LGR4: variants seen among roughly 807,000 people sequenced by gnomAD.
The protein encoded by LGR4 is leucine-rich repeat-containing G protein-coupled receptor 4.
In LGR4, 44 loss-of-function variants were observed where a neutral mutation model predicts 84.8. The observed-to-expected ratio is 0.52, with a 90% CI of 0.41 to 0.67. LGR4 has a LOEUF of 0.67. LGR4 is among the 30% of genes least tolerant of loss of function. The pLI, the probability that LGR4 is intolerant of heterozygous loss-of-function variation, is 0.00. For missense variants in LGR4, 1,032 were observed against 1,131.4 expected (o/e 0.91, Z 1.26); for synonymous variants, 429 against 434.3 (o/e 0.99, Z 0.15).
chr11:27,431,059 C>T (rs890654823), intron 1 of LGR4, among the ~76,000 whole-genome samples: 4 of 152,122 alleles, frequency 2.6e-5, no homozygotes, highest in Admixed American at 2.0e-4. Context: ...CTTAGCCCCC[C>T]TAAAATGGCC....
At chr11:27,465,747 T>C (rs539079806) in intron 1 of LGR4, among the ~76,000 whole-genome samples, 158 of 152,310 alleles carry the variant, frequency 1.0e-3, no homozygotes, top group Middle Eastern at 3.4e-3. Flanking sequence ...TTTTAGACAA[T>C]AGAGTTGACA....
rs773694409 is a variant in LGR4, at chr11:27,380,610, C to T, written c.902+30G>A. On this transcript the variant is annotated intron_variant, in intron 9 of 17. Transcript: ENST00000379214. ...TCCACTAAAACAACTGTATAAATAT[C>T]CAGGTTTGTTTTTAAATTCACATAC... 3.7e-6 allele frequency: 5 copies of T among 1,352,224 alleles called. No individual in the cohort carries two copies. In the Admixed American group the frequency reaches 8.8e-5, roughly 24 times the overall value. The allele number at this position is 1,352,224 out of a possible 1,614,324, so 83.8% of individuals were successfully genotyped here. A position where few individuals can be genotyped will look rare whatever the true frequency, so the allele number is the denominator to read the frequency against.
chr11:27,393,528 TAATTA>T (rs1863324467), intron 2 of LGR4, among the ~76,000 whole-genome samples: 3 of 152,210 alleles, frequency 2.0e-5, no homozygotes, highest in South Asian at 4.1e-4. Flanking sequence ...TTAAAATTTA[TAATTA>T]AATTTTTTAA....
At chr11:27,418,502 T>A (rs947509071) in intron 1 of LGR4, among the ~76,000 whole-genome samples, 9 of 152,184 alleles carry the variant, frequency 5.9e-5, no homozygotes, top group African/African-American at 2.2e-4. Flanking sequence ...CATCTTCTGT[T>A]TTTTTCAGGT....
chr11:27,414,212 C>T (rs1207644331), intron 1 of LGR4, among the ~76,000 whole-genome samples: 2 of 152,044 alleles, frequency 1.3e-5, no homozygotes, highest in East Asian at 1.9e-4. Flanking sequence ...TAAGTGCAAA[C>T]GATGAGTCTT....
intron 1 of LGR4, among the ~76,000 whole-genome samples, chr11:27,423,602 T>C (rs1174858299): frequency 6.6e-6 from 1 of 152,262 alleles, no homozygotes; most frequent in African/African-American, 2.4e-5. Flanking sequence ...ATAATGATGG[T>C]TTATAAAATG....
chr11:27,436,505 A>G (rs1473648893), intron 1 of LGR4, among the ~76,000 whole-genome samples: 1 of 152,164 alleles, frequency 6.6e-6, no homozygotes, highest in Non-Finnish European at 1.5e-5. Flanking sequence ...TCCTGGATGG[A>G]TAAATTATAA....
chr11:27,400,774 G>A (rs955072201), intron 2 of LGR4, among the ~76,000 whole-genome samples: 2 of 152,142 alleles, frequency 1.3e-5, no homozygotes, highest in Non-Finnish European at 2.9e-5. Flanking sequence ...TGGGATTACA[G>A]GTGTGAGCCA....
intron 1 of LGR4, among the ~76,000 whole-genome samples, chr11:27,433,611 A>G (rs950728066): frequency 1.3e-5 from 2 of 152,010 alleles, no homozygotes; most frequent in Non-Finnish European, 2.9e-5. Context: ...TGTTTCTCCT[A>G]TAGTTTATAC....
chr11:27,385,604 T>C, intron 4 of LGR4, 136 bp from the exon 5 acceptor site: 1 of 580,092 alleles, frequency 1.7e-6, no homozygotes, highest in East Asian at 2.9e-5. Flanking sequence ...GAAGTCCTCA[T>C]AACATCTAAT....
At chr11:27,425,973 C>G (rs542257036) in intron 1 of LGR4, among the ~76,000 whole-genome samples, 1 of 152,268 alleles carries the variant, frequency 6.6e-6, no homozygotes, top group African/African-American at 2.4e-5. Flanking sequence ...TGCCAAGCCT[C>G]TAGTGCCATG....
At chr11:27,374,911 T>C (rs1862946711) in intron 13 of LGR4, among the ~76,000 whole-genome samples, 1 of 152,112 alleles carries the variant, frequency 6.6e-6, no homozygotes, top group Non-Finnish European at 1.5e-5. Context: ...GTCATATTTC[T>C]TAAAGGGGAT....
intron 1 of LGR4, among the ~76,000 whole-genome samples, chr11:27,445,291 G>T (rs1404647277): frequency 4.6e-5 from 7 of 152,152 alleles, no homozygotes; most frequent in Non-Finnish European, 8.8e-5. Context: ...ACGAACTCTG[G>T]AGTCAGACTA....
chr11:27,414,092 T>A (rs200386937), intron 1 of LGR4, among the ~76,000 whole-genome samples: 1 of 152,048 alleles, frequency 6.6e-6, no homozygotes, highest in Non-Finnish European at 1.5e-5. Flanking sequence ...TAAGACTACA[T>A]AGAAAATCTT....
chr11:27,386,613 G>T (rs1249405986), intron 4 of LGR4, among the ~76,000 whole-genome samples: 1 of 152,128 alleles, frequency 6.6e-6, no homozygotes, highest in African/African-American at 2.4e-5. Flanking sequence ...TCCAACTTCA[G>T]TTCCTGCCAT....
At chr11:27,370,660 C>T (rs1276970101) in intron 17 of LGR4, among the ~76,000 whole-genome samples, 1 of 152,126 alleles carries the variant, frequency 6.6e-6, no homozygotes, top group Non-Finnish European at 1.5e-5. Context: ...TTCCTCCTGG[C>T]CAATCTCCAA....
At chr11:27,389,425 T>C (rs533997582) in intron 4 of LGR4, among the ~76,000 whole-genome samples, 1 of 152,224 alleles carries the variant, frequency 6.6e-6, no homozygotes, top group East Asian at 1.9e-4. Flanking sequence ...TTCTAAAACA[T>C]GAAAGAGAAA....
In LGR4 at chr11:27,387,512, G is replaced by C. The variant is rs570683327; in HGVS notation, c.402-2044C>G. Among the ~76,000 whole-genome samples, 24 of 152,180 alleles carry C rather than the reference G, an allele frequency of 1.6e-4. No homozygotes were observed. The South Asian group carries it at 1.9e-3, about 12-fold the overall frequency. ...TCAAAGTAGGAGCTGGGCAAGGAGT[G>C]TTTTAGGCAAAGGAAAGAGCCACGT... On this transcript the variant is annotated intron_variant, in intron 4 of 17. Transcript: ENST00000379214.
intron 2 of LGR4, among the ~76,000 whole-genome samples, chr11:27,409,851 G>T (rs1863677582): frequency 2.0e-5 from 3 of 152,074 alleles, no homozygotes; most frequent in Admixed American, 1.3e-4. Flanking sequence ...TACTGTGGAA[G>T]ACTATCCCAA....
Sources: gnomAD v4.1 joint callset for allele counts (sites outside exome capture counted in the v4.1 genomes callset) on GRCh38, gnomAD v4.1.1 for gene constraint, MANE v1.5 for transcripts, NCBI Gene and HGNC (gene_info 2026-07-23, HGNC 2026-07-21) for gene names.